SUGCT: variants seen among roughly 807,000 people sequenced by gnomAD.
The protein encoded by SUGCT is succinyl-CoA:glutarate-CoA transferase.
SUGCT carries 41 observed loss-of-function variants against 55.0 expected under a neutral mutation model. The observed-to-expected ratio is 0.74, with a 90% CI of 0.58 to 0.97. The LOEUF is 0.97. Among genes scored for constraint, SUGCT ranks in the 50% least tolerant of loss-of-function variants. The probability of loss-of-function intolerance (pLI) is 0.00; values close to 1 mark genes in which losing one functional copy is unlikely to be tolerated. For missense variants in SUGCT, 568 were observed against 547.8 expected, an observed-to-expected ratio of 1.04 and a Z score of -0.37; for synonymous variants, 187 against 200.4, an observed-to-expected ratio of 0.93 and a Z score of 0.56.
rs1380373297 is a variant in SUGCT, at chr7:40,768,239, A to AG, written c.1153+18742_1153+18743insG. 1.2e-4 allele frequency among the ~76,000 whole-genome samples: 18 copies of AG among 152,130 alleles called. No individual in the cohort carries two copies. The South Asian group carries it at 2.9e-3, about 25-fold the overall frequency. On this transcript the variant is annotated intron_variant, in intron 13 of 13. Coordinates refer to ENST00000335693, the MANE Select transcript of SUGCT (RefSeq NM_001193313.2). The stretch of plus-strand genomic sequence containing the variant: ...GGGGCCTCAGGCTGCTTCACTACCT[A>AG]TTTCTTAGAACTCTGCACAGCTTTA...
At chr7:40,242,933 ATTTTTTTTTT>A (rs70996894) in intron 7 of SUGCT, among the ~76,000 whole-genome samples, 5 of 17,212 alleles carry the variant, frequency 2.9e-4, no homozygotes, top group Non-Finnish European at 2.3e-4. Flanking sequence ...ATATATATAT[ATTTTTTTTTT>A]TTTTTTTTTT....
intron 12 of SUGCT, among the ~76,000 whole-genome samples, chr7:40,623,567 T>G (rs2151796220): frequency 6.6e-6 from 1 of 152,228 alleles, no homozygotes; most frequent in East Asian, 1.9e-4. Flanking sequence ...TTAATAAATT[T>G]TATTAAAAGC....
chr7:40,404,714 G>C lies in SUGCT; in HGVS notation c.817-44573G>C, dbSNP rs138961043. Among the ~76,000 whole-genome samples the C allele has an allele frequency of 3.1e-3, 479 of 152,278 alleles. 1 individual carries two copies. Among genetic ancestry groups the C allele is most frequent in the Non-Finnish European group, 4.2e-3 (285 of 68,018 alleles). On this transcript the variant is annotated intron_variant, in intron 9 of 13. Transcript: ENST00000335693. ...GGTCTCCCAAAGTGCTGGGTTTACA[G>C]GCATGAGCCACCATGCTCAGACTCC...
At chr7:40,242,124 T>G (rs917614230) in intron 7 of SUGCT, among the ~76,000 whole-genome samples, 4 of 151,996 alleles carry the variant, frequency 2.6e-5, no homozygotes, top group Admixed American at 1.3e-4. Context: ...TGTATTTTGA[T>G]CCTCACATTG....
intron 13 of SUGCT, among the ~76,000 whole-genome samples, chr7:40,804,316 T>C (rs1410290804): frequency 6.6e-6 from 1 of 152,148 alleles, no homozygotes; most frequent in Non-Finnish European, 1.5e-5. Context: ...TCTTCAGGTA[T>C]AATAGAATGC....
At position 40,860,420 on chromosome 7, in the gene SUGCT, G is replaced by T; in HGVS notation, c.1258G>T (p.Asp420Tyr). 6.2e-7 allele frequency: 1 copy of T among 1,613,972 alleles called. No homozygotes were observed. The highest frequency in any genetic ancestry group is 1.1e-5 in the South Asian group (1 of 91,072). ...HILKEVLRYDDRAIGELLSAG... is the reference protein window; with the variant it reads ...HILKEVLRYDYRAIGELLSAG... The stretch of plus-strand genomic sequence containing the variant: ...CCTGAAGGAGGTCCTGAGATACGAT[G>T]ACAGGGCCATCGGGGAGCTGCTCAG... Residue 420 changes from aspartate (D) to tyrosine (Y), a missense_variant, in exon 14 of 14, where the codon GAC (aspartate) becomes TAC (tyrosine). Transcript: ENST00000335693.
At chr7:40,595,642 C>CAA (rs11365939) in intron 12 of SUGCT, among the ~76,000 whole-genome samples, 9 of 121,840 alleles carry the variant, frequency 7.4e-5, no homozygotes, top group Middle Eastern at 4.6e-3. Flanking sequence ...TTTCATGCCA[C>CAA]AAAAAAAAAA....
chr7:40,655,129 A>G (rs1489046227), intron 12 of SUGCT, among the ~76,000 whole-genome samples: 2 of 152,022 alleles, frequency 1.3e-5, no homozygotes, highest in Non-Finnish European at 2.9e-5. Context: ...CCCTGTTTCT[A>G]CAAAAAATCA....
At chr7:40,446,418 C>A (rs1409929935) in intron 9 of SUGCT, among the ~76,000 whole-genome samples, 1 of 152,142 alleles carries the variant, frequency 6.6e-6, no homozygotes, top group Non-Finnish European at 1.5e-5. Context: ...AATACTTCAG[C>A]TCAAAATCTT....
intron 1 of SUGCT, chr7:40,141,780 A>G: frequency 2.9e-6 from 1 of 345,734 alleles, no homozygotes; most frequent in Non-Finnish European, 5.9e-6. Context: ...TGGTGCCACA[A>G]AAGAAATAGC....
intron 13 of SUGCT, chr7:40,793,051 T>C (rs1455732511): frequency 1.3e-5 from 2 of 152,162 alleles, no homozygotes; most frequent in Non-Finnish European, 2.9e-5. Context: ...CCATACAACA[T>C]TCATATATGC....
At chr7:40,510,768 G>GAATA (rs796832917) in intron 12 of SUGCT, among the ~76,000 whole-genome samples, 4 of 151,994 alleles carry the variant, frequency 2.6e-5, no homozygotes, top group Admixed American at 6.6e-5. Flanking sequence ...GTAAATGGTT[G>GAATA]AATAAATAAA....
intron 9 of SUGCT, among the ~76,000 whole-genome samples, chr7:40,443,666 G>A (rs1788644180): frequency 6.6e-6 from 1 of 152,162 alleles, no homozygotes; most frequent in African/African-American, 2.4e-5. Flanking sequence ...CTCCCATTGT[G>A]TAGGTTGCCT....
At chr7:40,393,903 A>G (rs942079397) in intron 9 of SUGCT, among the ~76,000 whole-genome samples, 2 of 152,194 alleles carry the variant, frequency 1.3e-5, no homozygotes, top group African/African-American at 2.4e-5. Context: ...CAAAGAGAGT[A>G]GTAAGAGATT....
At chr7:40,963,962 A>G in the SUGCT span, among the ~76,000 whole-genome samples, 1 of 152,216 alleles carries the variant, frequency 6.6e-6, no homozygotes, top group Admixed American at 6.5e-5. Context: ...GGACTTGTGG[A>G]AAGCAATTGT....
At chr7:40,328,021 T>C (rs1362034674) in intron 9 of SUGCT, among the ~76,000 whole-genome samples, 1 of 152,220 alleles carries the variant, frequency 6.6e-6, no homozygotes, top group Admixed American at 6.5e-5. Context: ...GCAGGGGGAC[T>C]TGAGCTCATT....
chr7:40,673,637 A>C (rs1288697279), intron 12 of SUGCT, among the ~76,000 whole-genome samples: 1 of 152,204 alleles, frequency 6.6e-6, no homozygotes, highest in Non-Finnish European at 1.5e-5. Context: ...CCATCCATAA[A>C]ATGTCTCTGA....
intron 6 of SUGCT, among the ~76,000 whole-genome samples, chr7:40,211,632 G>C: frequency 6.6e-6 from 1 of 152,186 alleles, no homozygotes. Flanking sequence ...AGCTAACGTG[G>C]AAGGCACAGA....
intron 9 of SUGCT, among the ~76,000 whole-genome samples, chr7:40,395,372 C>T (rs1785665859): frequency 6.6e-6 from 1 of 151,248 alleles, no homozygotes; most frequent in Non-Finnish European, 1.5e-5. Context: ...GTCTGTAATT[C>T]CAGCTACTTG....
Sources: gnomAD v4.1 joint callset for allele counts (sites outside exome capture counted in the v4.1 genomes callset) on GRCh38, gnomAD v4.1.1 for gene constraint, MANE v1.5 for transcripts, NCBI Gene and HGNC (gene_info 2026-07-23, HGNC 2026-07-21) for gene names.